LHFPL3: variants seen among roughly 807,000 people sequenced by gnomAD.
The protein encoded by LHFPL3 is LHFPL tetraspan subfamily member 3 protein.
LHFPL3 carries 5 observed loss-of-function variants against 19.3 expected under a neutral mutation model. That is an observed-to-expected ratio of 0.26 (90% CI 0.14 to 0.54). The LOEUF is 0.54. Ranked by LOEUF, LHFPL3 falls within the 20% of genes least tolerant of loss-of-function variation. LHFPL3 has a pLI of 0.94. For missense variants in LHFPL3, 249 were observed against 307.4 expected (o/e 0.81, Z 1.42); for synonymous variants, 133 against 126.2 (o/e 1.05, Z -0.36).
rs180726597 is a variant in LHFPL3, at chr7:104,664,416, T to G, written c.446-72259T>G. ...TGTCTCAAATACAGCAGAAGTTCCT[T>G]TCTTTCTCATTCTTTCAGGTTCAAA... On this transcript the variant is annotated intron_variant, in intron 1 of 2. Transcript: ENST00000424859. Among the ~76,000 whole-genome samples, 153 of 152,334 alleles carry G rather than the reference T, an allele frequency of 1.0e-3. 1 individual carries two copies. The highest frequency in any genetic ancestry group is 1.9e-3 in the Non-Finnish European group (127 of 68,026).
At chr7:104,890,242 G>A (rs576780008) in intron 2 of LHFPL3, among the ~76,000 whole-genome samples, 1 of 152,304 alleles carries the variant, frequency 6.6e-6, no homozygotes, top group South Asian at 2.1e-4. Context: ...TTTTAAGGCT[G>A]CAGTGAACTA....
chr7:104,409,304 CTGTGTGTGTG>C (rs59285167), intron 1 of LHFPL3, among the ~76,000 whole-genome samples: 1,575 of 148,896 alleles, frequency 0.011, 17 homozygotes, highest in African/African-American at 0.03. Flanking sequence ...CTTATGTGTG[CTGTGTGTGTG>C]TGTGTGTGTG....
At chr7:104,829,522 T>A (rs1256197705) in intron 2 of LHFPL3, among the ~76,000 whole-genome samples, 4 of 151,420 alleles carry the variant, frequency 2.6e-5, no homozygotes, top group Non-Finnish European at 1.5e-5. Flanking sequence ...GATGTTCCCC[T>A]TCCTGTGTCC....
intron 2 of LHFPL3, among the ~76,000 whole-genome samples, chr7:104,806,943 T>A (rs1347449305): frequency 6.6e-6 from 1 of 152,072 alleles, no homozygotes; most frequent in Non-Finnish European, 1.5e-5. Flanking sequence ...ATCTATGTGT[T>A]CTTCCTAATA....
intron 2 of LHFPL3, among the ~76,000 whole-genome samples, chr7:104,749,809 C>T (rs536042575): frequency 1.1e-4 from 17 of 152,174 alleles, no homozygotes; most frequent in African/African-American, 3.6e-4. Context: ...GATTTACCCA[C>T]ACCAGTTTTT....
chr7:104,725,200 G>A (rs765993864), intron 1 of LHFPL3, among the ~76,000 whole-genome samples: 3 of 151,830 alleles, frequency 2.0e-5, no homozygotes, highest in Non-Finnish European at 4.4e-5. Context: ...ATCCCAATTT[G>A]TAACTTAGAG....
At chr7:104,882,899 C>A (rs147292904) in intron 2 of LHFPL3, among the ~76,000 whole-genome samples, 1 of 152,158 alleles carries the variant, frequency 6.6e-6, no homozygotes, top group South Asian at 2.1e-4. Flanking sequence ...GTAGTTAAGG[C>A]GACTGGCTGC....
intron 2 of LHFPL3, among the ~76,000 whole-genome samples, chr7:104,868,609 A>T (rs1436904142): frequency 1.3e-5 from 2 of 151,922 alleles, no homozygotes; most frequent in African/African-American, 4.8e-5. Flanking sequence ...TTCCATGCTC[A>T]TGGGTAGGAA....
chr7:104,448,814 T>C (rs1269363428), intron 1 of LHFPL3, among the ~76,000 whole-genome samples: 2 of 152,230 alleles, frequency 1.3e-5, no homozygotes, highest in Non-Finnish European at 2.9e-5. Flanking sequence ...GATTTTATAA[T>C]GTTTAGGCCC....
At chr7:104,344,075 T>A (rs1248560848) in intron 1 of LHFPL3, among the ~76,000 whole-genome samples, 1 of 152,284 alleles carries the variant, frequency 6.6e-6, no homozygotes, top group South Asian at 2.1e-4. Context: ...TGAATGTAAG[T>A]TGAATTTTAT....
intron 1 of LHFPL3, among the ~76,000 whole-genome samples, chr7:104,465,054 A>G (rs960090379): frequency 5.9e-5 from 9 of 152,188 alleles, no homozygotes; most frequent in African/African-American, 1.9e-4. Flanking sequence ...TCTCAAATTC[A>G]AAGTTCCACA....
chr7:104,836,339 G>A (rs1791095347), intron 2 of LHFPL3, among the ~76,000 whole-genome samples: 1 of 152,132 alleles, frequency 6.6e-6, no homozygotes, highest in South Asian at 2.1e-4. Context: ...TTGTGAACAT[G>A]GAGGGACATC....
chr7:104,358,210 A>G (rs566606799), intron 1 of LHFPL3, among the ~76,000 whole-genome samples: 93 of 152,364 alleles, frequency 6.1e-4, no homozygotes, highest in Middle Eastern at 3.4e-3. Context: ...AGGAAACATG[A>G]AAAAGTGTCG....
intron 1 of LHFPL3, among the ~76,000 whole-genome samples, chr7:104,544,659 A>G (rs1794546708): frequency 6.6e-6 from 1 of 152,182 alleles, no homozygotes; most frequent in Non-Finnish European, 1.5e-5. Flanking sequence ...CCCATAGGTC[A>G]GTTCCTCTCC....
chr7:104,808,390 G>A (rs915928429), intron 2 of LHFPL3, among the ~76,000 whole-genome samples: 1 of 152,146 alleles, frequency 6.6e-6, no homozygotes, highest in Non-Finnish European at 1.5e-5. Flanking sequence ...ATTGCCTGAG[G>A]TCATTCAGCT....
chr7:104,736,745 T>A lies in LHFPL3; in HGVS notation c.516T>A (p.Cys172Ter). The A allele has an allele frequency of 6.2e-7, 1 of 1,613,780 alleles. No individual in the cohort carries two copies. Among genetic ancestry groups the A allele is most frequent in the Non-Finnish European group, 8.5e-7 (1 of 1,179,846 alleles). ...ACTCAGATGAAGTAAAACGGATGTGTGGAGAAAAGACAGACAAGTACACTC... is the reference window on the plus strand; with the variant it reads ...ACTCAGATGAAGTAAAACGGATGTGAGGAGAAAAGACAGACAAGTACACTC... ...GWDSDEVKRM[C>*]GEKTDKYTLG... The change falls in exon 2 of 3, where the codon TGT (cysteine) becomes TGA (stop). Residue 172 changes from cysteine (C) to a stop codon, truncating the protein, a stop_gained. Coordinates refer to ENST00000424859, the MANE Select transcript of LHFPL3 (RefSeq NM_199000.3). LOFTEE classifies it high-confidence loss of function.
At chr7:104,821,377 C>T (rs1015805939) in intron 2 of LHFPL3, among the ~76,000 whole-genome samples, 1 of 152,162 alleles carries the variant, frequency 6.6e-6, no homozygotes, top group South Asian at 2.1e-4. Flanking sequence ...TGAAGAGTTC[C>T]GATTCAGAAG....
intron 1 of LHFPL3, among the ~76,000 whole-genome samples, chr7:104,671,049 T>C (rs1792471335): frequency 6.6e-6 from 1 of 152,022 alleles, no homozygotes; most frequent in South Asian, 2.1e-4. Flanking sequence ...TGCAAACCCT[T>C]CTGCCATCAG....
At chr7:104,473,924 A>G (rs1220254013) in intron 1 of LHFPL3, among the ~76,000 whole-genome samples, 2 of 152,112 alleles carry the variant, frequency 1.3e-5, no homozygotes, top group East Asian at 1.9e-4. Flanking sequence ...ATAAAGCTCT[A>G]TGACACACAT....
Sources: gnomAD v4.1 joint callset for allele counts (sites outside exome capture counted in the v4.1 genomes callset) on GRCh38, gnomAD v4.1.1 for gene constraint, MANE v1.5 for transcripts, NCBI Gene and HGNC (gene_info 2026-07-23, HGNC 2026-07-21) for gene names.